The following KRT73 variants were observed in gnomAD, a reference collection of about 807,000 sequenced individuals.
The protein encoded by KRT73 is keratin, type II cytoskeletal 73.
Under a neutral mutation model 47.2 loss-of-function variants are expected in KRT73, and 44 were observed. The ratio of observed to expected loss-of-function variants is 0.93; its 90% CI spans 0.73 to 1.20. The LOEUF is 1.20. Among genes scored for constraint, KRT73 ranks in the 50% most tolerant of loss-of-function variants. The pLI, the probability that KRT73 is intolerant of heterozygous loss-of-function variation, is 0.00. For missense variants in KRT73, 713 were observed against 704.5 expected (o/e 1.01, Z -0.14); for synonymous variants, 285 against 291.3 (o/e 0.98, Z 0.22).
Position 52,613,375 on chromosome 12 carries a change from C to T in KRT73, c.984+313G>A, listed in dbSNP as rs1011583857. The T allele has an allele frequency of 2.2e-4, 54 of 249,618 alleles. 1 individual carries two copies. The highest frequency in any genetic ancestry group is 2.0e-3 in the Admixed American group (41 of 20,420). 15.5% of individuals were successfully genotyped at this position (249,618 alleles called of 1,614,324 possible). A position where few individuals can be genotyped will look rare whatever the true frequency, so the allele number is the denominator to read the frequency against. The stretch of plus-strand genomic sequence containing the variant: ...CAACTACTCATGTGGCTTCTCCCCT[C>T]CAGACAGAACTCTCTGCCTCCAGGG... On this transcript the variant is annotated intron_variant, in intron 5 of 8. Coordinates refer to ENST00000305748, the MANE Select transcript of KRT73 (RefSeq NM_175068.3).
chr12:52,625,026 T>C, the KRT73 span, among the ~76,000 whole-genome samples: 1 of 152,102 alleles, frequency 6.6e-6, no homozygotes, highest in Non-Finnish European at 1.5e-5. Context: ...TAATTGACTA[T>C]AAAATGTAAA....
chr12:52,614,185 G>A (rs924876122), intron 4 of KRT73: 1 of 342,266 alleles, frequency 2.9e-6, no homozygotes, highest in Non-Finnish European at 5.3e-6. Context: ...CCAATAGGTT[G>A]AGGCTTGAAA....
At chr12:52,623,802 C>T in the KRT73 span, among the ~76,000 whole-genome samples, 2 of 151,948 alleles carry the variant, frequency 1.3e-5, no homozygotes, top group Non-Finnish European at 2.9e-5. Flanking sequence ...AAATACTCAG[C>T]AGCACTAAAA....
chr12:52,630,448 T>C, the KRT73 span, among the ~76,000 whole-genome samples: 2 of 152,208 alleles, frequency 1.3e-5, no homozygotes, highest in Non-Finnish European at 2.9e-5. Flanking sequence ...CTTGCCCTTC[T>C]GCTCTGCCTC....
At position 52,608,265 on chromosome 12, in the gene KRT73, T is replaced by C; in HGVS notation, c.1554A>G (p.Ala518=). The C allele has an allele frequency of 6.2e-7, 1 of 1,613,998 alleles. No individual in the cohort carries two copies. The highest frequency in any genetic ancestry group is 1.1e-5 in the South Asian group (1 of 91,020). The change falls in exon 9 of 9, where the codon GCA becomes GCG. Residue 518 remains alanine (A), a synonymous_variant. Transcript: ENST00000305748. The part of the protein sequence containing the change: ...RGEARTRLGS[A]SEFRDSQGKT... Reference sequence around the variant, plus strand: ...TTCCCTGGGAGTCCCTGAATTCACTTGCACTCCCCAGCCTGGTCCTGGCTT... The same window carrying C: ...TTCCCTGGGAGTCCCTGAATTCACTCGCACTCCCCAGCCTGGTCCTGGCTT...
chr12:52,609,358 G>A (rs1189253336), intron 7 of KRT73, 77 bp from the exon 8 acceptor site: 4 of 1,269,114 alleles, frequency 3.2e-6, no homozygotes, highest in Non-Finnish European at 4.6e-6. Context: ...AACACAGGCT[G>A]GGGATCCCCA....
At chr12:52,623,632 A>G in the KRT73 span, among the ~76,000 whole-genome samples, 1 of 152,118 alleles carries the variant, frequency 6.6e-6, no homozygotes, top group Non-Finnish European at 1.5e-5. Context: ...TGAGGCAAAA[A>G]TTCTAACACT....
chr12:52,611,526 G>A (rs1940703200), intron 5 of KRT73, 197 bp from the exon 6 acceptor site: 3 of 611,408 alleles, frequency 4.9e-6, no homozygotes, highest in African/African-American at 1.8e-5. Context: ...TGATCTCATG[G>A]ATGGTTAGAA....
Position 52,616,383 on chromosome 12 carries a change from G to T in KRT73, c.448-3C>A. 1 of 1,614,110 alleles carries T rather than the reference G, an allele frequency of 6.2e-7. No homozygotes were observed. Among genetic ancestry groups the T allele is most frequent in the Non-Finnish European group, 8.5e-7 (1 of 1,180,006 alleles). ...TTCTGCTGCTCCAGGAACCGCACCTGGAACCCATGCCACACATACTTAAGC... is the reference window on the plus strand; with the variant it reads ...TTCTGCTGCTCCAGGAACCGCACCTTGAACCCATGCCACACATACTTAAGC... On this transcript the variant is annotated splice_region_variant and splice_polypyrimidine_tract_variant and intron_variant, in intron 1 of 8. Coordinates refer to ENST00000305748, the MANE Select transcript of KRT73 (RefSeq NM_175068.3).
chr12:52,628,673 G>C, the KRT73 span, among the ~76,000 whole-genome samples: 4 of 152,208 alleles, frequency 2.6e-5, no homozygotes, highest in African/African-American at 7.2e-5. Flanking sequence ...GAAGGAGACA[G>C]TGTGGGCTAA....
intron 6 of KRT73, 148 bp downstream of exon 6, chr12:52,611,056 T>A: frequency 1.8e-6 from 2 of 1,086,896 alleles, no homozygotes; most frequent in Non-Finnish European, 2.7e-6. Context: ...AAACTTCAGA[T>A]GGGAGCTAAG....
chr12:52,615,720 A>G (rs576392016), intron 2 of KRT73, among the ~76,000 whole-genome samples: 50 of 152,346 alleles, frequency 3.3e-4, no homozygotes, highest in African/African-American at 1.2e-3. Context: ...AGGGGTCCCA[A>G]GGAAGCCAGA....
rs1204011294 is a variant in KRT73 at position 52,614,730 on chromosome 12, C to T, written c.724-56G>A. 3.5e-6 allele frequency: 5 copies of T among 1,429,350 alleles called. No homozygotes were observed. The Admixed American group carries it at 5.7e-5, about 16-fold the overall frequency. 88.5% of individuals were successfully genotyped at this position (1,429,350 alleles called of 1,614,324 possible). A position where few individuals can be genotyped will look rare whatever the true frequency, so the allele number is the denominator to read the frequency against. ...CCTTTCTTCAAGCCCAGACAGGCCT[C>T]TCCAGCGAACTGACACCTGCAGGCC... On this transcript the variant is annotated intron_variant, in intron 3 of 8. Transcript: ENST00000305748.
intron 2 of KRT73, 30 bp from the exon 3 acceptor site, chr12:52,615,369 T>A (rs1940795060): frequency 6.5e-7 from 1 of 1,549,236 alleles, no homozygotes; most frequent in Admixed American, 1.7e-5. Context: ...GGAAGCAGAG[T>A]GTGTGTCTGT....
chr12:52,608,925 CTG>C (rs1206635404), intron 8 of KRT73, among the ~76,000 whole-genome samples: 1 of 152,208 alleles, frequency 6.6e-6, no homozygotes, highest in Non-Finnish European at 1.5e-5. Context: ...AGGCACCACT[CTG>C]TGCTCAGTTT....
chr12:52,616,218 G>A lies in KRT73; in HGVS notation c.610C>T (p.Leu204=), dbSNP rs754696241. 15 of 1,614,156 alleles carry A rather than the reference G, an allele frequency of 9.3e-6. No homozygotes were observed. In the East Asian group the frequency reaches 3.3e-4, roughly 36 times the overall value. The change falls in exon 2 of 9, where the codon CTG becomes TTG. Residue 204 remains leucine, a synonymous_variant. Coordinates refer to ENST00000305748, the MANE Select transcript of KRT73 (RefSeq NM_175068.3). ...LETLSGDRVR[L]DSELRSVREV... is the part of the protein sequence containing the mutation. ...CGCACGCTCCTCAGCTCCGAGTCCAGCCTCACCCTGTCCCCAGACAGCGTC... is the reference window on the plus strand; with the variant it reads ...CGCACGCTCCTCAGCTCCGAGTCCAACCTCACCCTGTCCCCAGACAGCGTC...
upstream of KRT73, among the ~76,000 whole-genome samples, chr12:52,619,684 G>A (rs904691971): frequency 1.2e-4 from 18 of 152,156 alleles, no homozygotes; most frequent in Admixed American, 2.0e-4. Flanking sequence ...CTTGGGTCCC[G>A]AATTATGAAG....
chr12:52,614,023 T>A, intron 4 of KRT73, 171 bp from the exon 5 acceptor site: 1 of 909,150 alleles, frequency 1.1e-6, no homozygotes, highest in Non-Finnish European at 1.6e-6. Context: ...ATACCACATC[T>A]GAAAACTGCT....
At chr12:52,611,445 G>C (rs537400819) in intron 5 of KRT73, 116 bp from the exon 6 acceptor site, 1 of 1,211,790 alleles carries the variant, frequency 8.3e-7, no homozygotes, top group Admixed American at 2.2e-5. Flanking sequence ...CAGGTCCCCC[G>C]CCTCACCATG....
Sources: allele counts gnomAD v4.1 joint callset (sites outside exome capture counted in the v4.1 genomes callset), GRCh38; gene constraint gnomAD v4.1.1; transcripts MANE v1.5; gene names NCBI Gene and HGNC (gene_info 2026-07-23, HGNC 2026-07-21).